AGT: variants seen among roughly 807,000 people sequenced by gnomAD.
AGT encodes angiotensinogen, also known as alpha-1 antiproteinase, antitrypsin.
A neutral mutation model predicts 28.1 loss-of-function variants in AGT; 26 were observed. The observed-to-expected ratio is 0.92, with a 90% CI of 0.68 to 1.28. The LOEUF (loss-of-function observed/expected upper bound fraction) is 1.28, where lower values mean the gene tolerates loss of function less well. Among genes scored for constraint, AGT ranks in the 50% most tolerant of loss-of-function variants. The probability of loss-of-function intolerance (pLI) is 0.00; values close to 1 mark genes in which losing one functional copy is unlikely to be tolerated. For synonymous variants in AGT, 259 were observed against 259.6 expected (o/e 1.00, Z 0.02); for missense variants, 596 against 592.3 (o/e 1.01, Z -0.06).
At chr1:230,707,693 G>C (rs1357369068) in intron 2 of AGT, among the ~76,000 whole-genome samples, 3 of 152,194 alleles carry the variant, frequency 2.0e-5, no homozygotes, top group Non-Finnish European at 2.9e-5. Context: ...AGTTTAGAGG[G>C]GGGAAAGGGA....
In AGT at chr1:230,706,118, G is replaced by C. The variant is rs764008871; in HGVS notation, c.912C>G (p.Leu304=). ...DNSTSVSVPM[L]SGMGTFQHWS... is the part of the protein sequence containing the mutation. The stretch of plus-strand genomic sequence containing the variant: ...AGTGCTGGAAGGTGCCCATGCCAGA[G>C]AGCATGGGAACAGACACTGAGGTGC... The change falls in exon 3 of 5, where the codon CTC becomes CTG. Residue 304 remains leucine (L), a synonymous_variant. Transcript: ENST00000366667. 2.5e-6 allele frequency: 4 copies of C among 1,613,946 alleles called. No individual in the cohort carries two copies. The highest frequency in any genetic ancestry group is 2.2e-5 in the South Asian group (2 of 91,078).
intron 4 of AGT, 101 bp from the exon 5 acceptor site, chr1:230,703,430 G>T: frequency 1.6e-6 from 2 of 1,247,300 alleles, no homozygotes; most frequent in South Asian, 1.2e-5. Context: ...TCTGTGCTGT[G>T]CACTGTCCTG....
At chr1:230,734,081 A>G (rs1571987516) in intron 1 of AGT, among the ~76,000 whole-genome samples, 1 of 152,180 alleles carries the variant, frequency 6.6e-6, no homozygotes, top group Non-Finnish European at 1.5e-5. Context: ...TCCCTGGCAC[A>G]TACTGGAGTT....
At chr1:230,705,785 C>G in intron 3 of AGT, 148 bp downstream of exon 3, 1 of 983,736 alleles carries the variant, frequency 1.0e-6, no homozygotes. Context: ...GACAGACACA[C>G]AGGCCGCCTG....
chr1:230,733,449 A>G (rs751085797), intron 1 of AGT, among the ~76,000 whole-genome samples: 1 of 152,214 alleles, frequency 6.6e-6, no homozygotes, highest in Non-Finnish European at 1.5e-5. Context: ...GCAAGTGCCC[A>G]TGAGAAATGC....
intron 1 of AGT, among the ~76,000 whole-genome samples, chr1:230,741,901 A>G (rs2102808329): frequency 6.6e-6 from 1 of 152,278 alleles, no homozygotes; most frequent in South Asian, 2.1e-4. Flanking sequence ...AAAAGTCGAC[A>G]ACAGTTAAGG....
rs1254931819 is a variant in AGT, at chr1:230,703,199, T to C, written c.1373A>G (p.Gln458Arg). Reference protein sequence around the residue: ...NRPFLFAVYDQSATALHFLGR... With the variant: ...NRPFLFAVYDRSATALHFLGR... ...CAGGAAGTGCAGGGCAGTGGCGCTTTGATCATACACAGCAAACAGGAATGG... is the reference window on the plus strand; with the variant it reads ...CAGGAAGTGCAGGGCAGTGGCGCTTCGATCATACACAGCAAACAGGAATGG... The change falls in exon 5 of 5, where the codon CAA becomes CGA. Residue 458 changes from glutamine (Q) to arginine (R), a missense_variant. Coordinates refer to ENST00000366667, the MANE Select transcript of AGT (RefSeq NM_001384479.1). 1.9e-6 allele frequency: 3 copies of C among 1,614,208 alleles called. No homozygotes were observed. Among genetic ancestry groups the C allele is most frequent in the Admixed American group, 3.3e-5 (2 of 60,032 alleles).
intron 1 of AGT, among the ~76,000 whole-genome samples, chr1:230,735,802 G>A (rs1297709687): frequency 6.6e-6 from 1 of 152,100 alleles, no homozygotes; most frequent in Non-Finnish European, 1.5e-5. Context: ...CCCCCTCAGA[G>A]CTGTAGATTC....
chr1:230,711,976 C>A (rs1176264730), intron 1 of AGT, among the ~76,000 whole-genome samples: 2 of 152,150 alleles, frequency 1.3e-5, no homozygotes, highest in Non-Finnish European at 2.9e-5. Flanking sequence ...ACCCTGAGAC[C>A]CCCAGAAGAG....
chr1:230,719,419 T>TATTATTATTATTACG (rs373330851), upstream of AGT, among the ~76,000 whole-genome samples: 1 of 94,768 alleles, frequency 1.1e-5, no homozygotes, highest in African/African-American at 4.4e-5. Context: ...TTTTTTTTTT[T>TATTATTATTATTACG]TTTTTTGAGA....
chr1:230,710,173 G>A lies in AGT; in HGVS notation c.651C>T (p.Gly217=). 6.2e-7 allele frequency: 1 copy of A among 1,614,098 alleles called. No homozygotes were observed. The highest frequency in any genetic ancestry group is 8.5e-7 in the Non-Finnish European group (1 of 1,180,032). The change falls in exon 2 of 5, where the codon GGC becomes GGT. Residue 217 remains glycine (G), a synonymous_variant. Coordinates refer to ENST00000366667, the MANE Select transcript of AGT (RefSeq NM_001384479.1). ...GGACCACAGGGGTATAGAGAGCCAG[G>A]CCCTGCACAAACGGCTGCTTCAGGT... ...GLHLKQPFVQ[G]LALYTPVVLP...
chr1:230,715,915 A>G (rs1420733657), upstream of AGT, among the ~76,000 whole-genome samples: 1 of 152,200 alleles, frequency 6.6e-6, no homozygotes, highest in Non-Finnish European at 1.5e-5. Context: ...TTCAACAGCA[A>G]AGATAATAAA....
intron 1 of AGT, among the ~76,000 whole-genome samples, chr1:230,725,914 T>C (rs551647095): frequency 1.4e-4 from 21 of 152,070 alleles, no homozygotes; most frequent in Non-Finnish European, 2.6e-4. Flanking sequence ...CCTAAATGAC[T>C]GAACATCATC....
rs4753 is a variant in AGT, at chr1:230,702,983, G to A, written c.*158C>T. 1.3e-5 allele frequency: 10 copies of A among 796,712 alleles called. No individual in the cohort carries two copies. The highest frequency in any genetic ancestry group is 8.1e-5 in the East Asian group (3 of 37,230). The allele number at this position is 796,712 out of a possible 1,614,324, so 49.4% of individuals were successfully genotyped here. A position where few individuals can be genotyped will look rare whatever the true frequency, so the allele number is the denominator to read the frequency against. ...CAGCACACTTAGACCAAGGAGAAACGGCTGCTTTCCAGCTCAAAGTCGACT... is the reference window on the plus strand; with the variant it reads ...CAGCACACTTAGACCAAGGAGAAACAGCTGCTTTCCAGCTCAAAGTCGACT... On this transcript the variant is annotated 3_prime_UTR_variant, in exon 5 of 5. Coordinates refer to ENST00000366667, the MANE Select transcript of AGT (RefSeq NM_001384479.1).
At chr1:230,723,198 T>C (rs2102799010) in intron 1 of AGT, among the ~76,000 whole-genome samples, 1 of 152,314 alleles carries the variant, frequency 6.6e-6, no homozygotes, top group South Asian at 2.1e-4. Context: ...TGGTGCCTCC[T>C]TCCCCTTCCA....
Position 230,703,403 on chromosome 1 carries a change from G to A in AGT, c.1243-74C>T, listed in dbSNP as rs191959532. 30 of 1,528,902 alleles carry A rather than the reference G, an allele frequency of 2.0e-5. 1 individual carries two copies. The highest frequency in any genetic ancestry group is 1.4e-4 in the South Asian group (12 of 88,824). The allele number at this position is 1,528,902 out of a possible 1,614,324, so 94.7% of individuals were successfully genotyped here. On this transcript the variant is annotated intron_variant, in intron 4 of 4. Coordinates refer to ENST00000366667, the MANE Select transcript of AGT (RefSeq NM_001384479.1). ...CCAGGGTGCTGAGGGCTAGAGGGCC[G>A]GGGTGGGCTCAGGACCTCTGTGCTG...
chr1:230,731,276 G>A lies in AGT; in HGVS notation c.-31+14239C>T, dbSNP rs556371687. 4.6e-5 allele frequency among the ~76,000 whole-genome samples: 7 copies of A among 152,236 alleles called. No individual in the cohort carries two copies. The South Asian group carries it at 1.5e-3, about 32-fold the overall frequency. On this transcript the variant is annotated intron_variant, in intron 1 of 4. Coordinates refer to the AGT transcript ENST00000681269. ...GTCCACACTGTTTACCTAGTGCAGG[G>A]GTGGCTTCTAGCGGTCCCACAGGCC...
Position 230,705,919 on chromosome 1 carries a change from C to T in AGT, c.1097+14G>A, listed in dbSNP as rs200520566. On this transcript the variant is annotated intron_variant, in intron 3 of 4. Coordinates refer to ENST00000366667, the MANE Select transcript of AGT (RefSeq NM_001384479.1). ...GTGGCTCCCACATTCCAGGGGAGACCGGGAGGCTCCTACCGGGGAGATAGT... is the reference window on the plus strand; with the variant it reads ...GTGGCTCCCACATTCCAGGGGAGACTGGGAGGCTCCTACCGGGGAGATAGT... 3.2e-5 allele frequency: 52 copies of T among 1,613,818 alleles called. No homozygotes were observed. The East Asian group carries it at 8.7e-4, about 27-fold the overall frequency.
Position 230,703,278 on chromosome 1 carries a change from CTG to C in AGT, c.1292_1293del (p.Thr431ArgfsTer7). The part of the protein sequence containing the change: ...FELEADEREP[T>X]ESTQQLNKPE... ...GGCTTGTTAAGCTGTTGGGTAGACTCTGTGGGCTCTCTCTCATCCGCTTCAAG... is the reference window on the plus strand; with the variant it reads ...GGCTTGTTAAGCTGTTGGGTAGACTCTGGGCTCTCTCTCATCCGCTTCAAG... On this transcript the variant is annotated frameshift_variant, in exon 5 of 5. Transcript: ENST00000366667. LOFTEE classifies it low-confidence loss of function (END_TRUNC). 1 of 1,614,186 alleles carries C rather than the reference CTG, an allele frequency of 6.2e-7. No homozygotes were observed. The highest frequency in any genetic ancestry group is 1.1e-5 in the South Asian group (1 of 91,082).
Sources: gnomAD v4.1 joint callset for allele counts (sites outside exome capture counted in the v4.1 genomes callset) on GRCh38, gnomAD v4.1.1 for gene constraint, MANE v1.5 for transcripts, NCBI Gene and HGNC (gene_info 2026-07-23, HGNC 2026-07-21) for gene names.